Variants in SMG1 observed in about 807,000 individuals in gnomAD.
SMG1 encodes SMG1 nonsense mediated mRNA decay associated PI3K related kinase.
Under a neutral mutation model 419.9 loss-of-function variants are expected in SMG1, and 22 were observed. The observed-to-expected ratio is 0.05, with a 90% confidence interval of 0.04 to 0.07. The LOEUF is 0.07. Among genes scored for constraint, SMG1 ranks in the 10% least tolerant of loss-of-function variants. The pLI is 1.00. For synonymous variants in SMG1, 1,538 were observed against 1,553.5 expected, an observed-to-expected ratio of 0.99 and a Z score of 0.23; for missense variants, 3,185 against 4,342.0, an observed-to-expected ratio of 0.73 and a Z score of 7.49.
chr16:18,815,129 A>T, intron 60 of SMG1, 46 bp downstream of exon 60: 1 of 1,161,944 alleles, frequency 8.6e-7, no homozygotes, highest in Non-Finnish European at 1.3e-6. Flanking sequence ...CTTAGCATCT[A>T]TGTGTAACAT....
chr16:18,885,961 TAATA>T (rs920666108), intron 6 of SMG1, among the ~76,000 whole-genome samples: 2 of 151,928 alleles, frequency 1.3e-5, no homozygotes, highest in African/African-American at 4.8e-5. Context: ...AAATAATAAT[TAATA>T]AATAAATAAA....
chr16:18,914,188 C>T (rs2037888775), intron 1 of SMG1, among the ~76,000 whole-genome samples: 1 of 150,482 alleles, frequency 6.6e-6, no homozygotes, highest in South Asian at 2.1e-4. Context: ...AGCAACAAGT[C>T]CCTCTGAAAA....
At chr16:18,832,387 C>T (rs1213178533) in intron 51 of SMG1, among the ~76,000 whole-genome samples, 1 of 152,128 alleles carries the variant, frequency 6.6e-6, no homozygotes, top group Admixed American at 6.6e-5. Context: ...AACAAACTTA[C>T]AATATTTAAA....
chr16:18,903,053 G>A (rs984668563), intron 1 of SMG1, among the ~76,000 whole-genome samples: 2 of 152,036 alleles, frequency 1.3e-5, no homozygotes, highest in Non-Finnish European at 2.9e-5. Context: ...TCGCACTCCT[G>A]GGCTCAAGTG....
Position 18,832,879 on chromosome 16 carries a change from T to A in SMG1, c.8792+61A>T, listed in dbSNP as rs1338361956. 2.8e-6 allele frequency: 4 copies of A among 1,413,248 alleles called. No individual in the cohort carries two copies. In the South Asian group the frequency reaches 4.6e-5, roughly 16 times the overall value. 87.5% of individuals were successfully genotyped at this position (1,413,248 alleles called of 1,614,324 possible). On this transcript the variant is annotated intron_variant, in intron 51 of 62. Transcript: ENST00000446231. Reference sequence around the variant, plus strand: ...TAAACTTACGTTAAAGAGCTCAGAATCCCTTTCTCTGGCTGTCCCATCTCT... The same window carrying A: ...TAAACTTACGTTAAAGAGCTCAGAAACCCTTTCTCTGGCTGTCCCATCTCT...
intron 62 of SMG1, among the ~76,000 whole-genome samples, chr16:18,811,172 T>C (rs752487175): frequency 3.9e-5 from 6 of 152,186 alleles, no homozygotes; most frequent in Non-Finnish European, 5.9e-5. Context: ...TATACATGTA[T>C]ATAATGAGGA....
At chr16:18,913,733 A>G (rs2037871120) in intron 1 of SMG1, among the ~76,000 whole-genome samples, 1 of 152,058 alleles carries the variant, frequency 6.6e-6, no homozygotes, top group African/African-American at 2.4e-5. Context: ...CTCTAATAAT[A>G]TTCTTGTAGA....
chr16:18,918,440 T>C (rs1405133206), intron 1 of SMG1, among the ~76,000 whole-genome samples: 1 of 152,234 alleles, frequency 6.6e-6, no homozygotes. Context: ...AATTTTCTTC[T>C]ATTTTGGGGG....
rs1201477844 is a variant in SMG1 at position 18,815,512 on chromosome 16, C to T, written c.10442G>A (p.Arg3481Gln). ...GAGCATTTCAACGTGTTCTTGACTT[C>T]GAACCTGACCCATAGCCTGGACTAA... ...FTLVQAMGQV[R>Q]SQEHVEMLQE... The change falls in exon 59 of 63, where the codon CGA becomes CAA. Residue 3481 changes from arginine to glutamine, a missense_variant. Physicochemically the swap from Arg to Gln is conservative, Grantham distance 43. Coordinates refer to ENST00000446231, the MANE Select transcript of SMG1 (RefSeq NM_015092.5). 1.9e-6 allele frequency: 3 copies of T among 1,613,912 alleles called. No individual in the cohort carries two copies. Among genetic ancestry groups the T allele is most frequent in the Admixed American group, 1.7e-5 (1 of 60,008 alleles).
chr16:18,840,754 C>A (rs1444417809), intron 41 of SMG1, among the ~76,000 whole-genome samples: 1 of 152,108 alleles, frequency 6.6e-6, no homozygotes, highest in African/African-American at 2.4e-5. Context: ...CGATTATTTA[C>A]AAATTTAATT....
chr16:18,828,737 G>A (rs776904980), intron 54 of SMG1, among the ~76,000 whole-genome samples: 8 of 152,166 alleles, frequency 5.3e-5, no homozygotes, highest in Non-Finnish European at 7.3e-5. Context: ...GGTGGCTCAC[G>A]CCTATAATCC....
chr16:18,848,744 T>C (rs1045632473), intron 36 of SMG1, among the ~76,000 whole-genome samples: 4 of 152,022 alleles, frequency 2.6e-5, no homozygotes, highest in Non-Finnish European at 4.4e-5. Flanking sequence ...AGATACATAG[T>C]AGTTACTCCC....
chr16:18,845,683 TA>T (rs2034218692), intron 38 of SMG1, 32 bp from the exon 39 acceptor site: 5 of 1,553,584 alleles, frequency 3.2e-6, no homozygotes, highest in Non-Finnish European at 3.5e-6. Flanking sequence ...TTCAAAAACT[TA>T]AATGTGTACA....
intron 41 of SMG1, 124 bp from the exon 42 acceptor site, chr16:18,840,070 AC>A (rs1596496526): frequency 1.4e-6 from 1 of 727,302 alleles, no homozygotes. Flanking sequence ...TCATTACTCA[AC>A]TAAATTTCAT....
intron 33 of SMG1, 56 bp from the exon 34 acceptor site, chr16:18,850,523 A>G: frequency 8.0e-7 from 1 of 1,247,002 alleles, no homozygotes; most frequent in South Asian, 1.3e-5. Context: ...AAAGGGAAAA[A>G]GGTATGTAAT....
At chr16:18,850,530 T>C in intron 33 of SMG1, 63 bp from the exon 34 acceptor site, 1 of 1,125,610 alleles carries the variant, frequency 8.9e-7, no homozygotes, top group Non-Finnish European at 1.3e-6. Flanking sequence ...AAAAGGTATG[T>C]AATTTGACTA....
intron 3 of SMG1, among the ~76,000 whole-genome samples, chr16:18,893,276 C>A (rs940877134): frequency 6.6e-6 from 1 of 152,190 alleles, no homozygotes; most frequent in Non-Finnish European, 1.5e-5. Context: ...TTTTTAATCA[C>A]AAGAACAAGC....
At chr16:18,828,525 T>G (rs1326765113) in intron 54 of SMG1, among the ~76,000 whole-genome samples, 3 of 136,488 alleles carry the variant, frequency 2.2e-5, no homozygotes, top group African/African-American at 7.3e-5. Flanking sequence ...CCAAAGCCTG[T>G]GCTGTTATAC....
chr16:18,897,900 A>G (rs1349044834), intron 1 of SMG1, among the ~76,000 whole-genome samples: 8 of 141,514 alleles, frequency 5.7e-5, no homozygotes, highest in African/African-American at 1.6e-4. Flanking sequence ...CAACTTTGAG[A>G]AAAAAAAAAA....
Sources: gnomAD v4.1 joint callset for allele counts (sites outside exome capture counted in the v4.1 genomes callset) on GRCh38, gnomAD v4.1.1 for gene constraint, MANE v1.5 for transcripts, NCBI Gene and HGNC (gene_info 2026-07-23, HGNC 2026-07-21) for gene names.